HNF4G: variants seen among roughly 807,000 people sequenced by gnomAD.
HNF4G encodes hepatocyte nuclear factor 4 gamma.
HNF4G carries 21 observed loss-of-function variants against 50.9 expected under a neutral mutation model. The ratio of observed to expected loss-of-function variants is 0.41; its 90% CI spans 0.29 to 0.59. The LOEUF (loss-of-function observed/expected upper bound fraction) is 0.59, where lower values mean the gene tolerates loss of function less well. HNF4G is among the 20% of genes least tolerant of loss of function. The pLI is 0.26. For synonymous variants in HNF4G, 198 were observed against 185.6 expected, an observed-to-expected ratio of 1.07 and a Z score of -0.54; for missense variants, 527 against 559.4, an observed-to-expected ratio of 0.94 and a Z score of 0.58.
intron 2 of HNF4G, chr8:75,495,284 A>G (rs1812739507): frequency 6.6e-6 from 1 of 152,174 alleles, no homozygotes; most frequent in South Asian, 2.1e-4. Flanking sequence ...TGAAGTTTCC[A>G]TGTTTAATAT....
rs138403067 is a variant in HNF4G, at chr8:75,458,709, G to A, written c.-143-31380G>A. Among the ~76,000 whole-genome samples, 532 of 152,156 alleles carry A rather than the reference G, an allele frequency of 3.5e-3. 1 individual carries two copies. The highest frequency in any genetic ancestry group is 0.014 in the Middle Eastern group (4 of 294). On this transcript the variant is annotated intron_variant, in intron 1 of 10. Transcript: ENST00000354370. ...AAGAAGCAATAACCTCCACTTACAG[G>A]TTGGCATTCAGGGGCATAGTTCAGG... is the stretch of plus-strand genomic sequence containing the variant.
At chr8:75,520,630 G>GTT (rs1352301626) in intron 2 of HNF4G, among the ~76,000 whole-genome samples, 4 of 151,860 alleles carry the variant, frequency 2.6e-5, no homozygotes, top group African/African-American at 9.7e-5. Context: ...TAGAGACAGG[G>GTT]TTTTGCCACG....
At chr8:75,533,206 T>C (rs926138326) in intron 2 of HNF4G, among the ~76,000 whole-genome samples, 18 of 152,052 alleles carry the variant, frequency 1.2e-4, no homozygotes, top group African/African-American at 4.3e-4. Flanking sequence ...TACAGTATTC[T>C]AGGAACTGCA....
At chr8:75,497,413 C>T (rs1289581857) in intron 2 of HNF4G, among the ~76,000 whole-genome samples, 2 of 152,214 alleles carry the variant, frequency 1.3e-5, no homozygotes, top group South Asian at 4.1e-4. Context: ...TGGCTAGGCA[C>T]GGTGGCTCAC....
At chr8:75,432,528 T>C (rs909845883) in intron 1 of HNF4G, among the ~76,000 whole-genome samples, 2 of 152,176 alleles carry the variant, frequency 1.3e-5, no homozygotes, top group African/African-American at 4.8e-5. Context: ...CTCAAACTGC[T>C]GATCTCAGGT....
chr8:75,505,311 T>C (rs1437046130), intron 2 of HNF4G, among the ~76,000 whole-genome samples: 1 of 152,140 alleles, frequency 6.6e-6, no homozygotes, highest in Non-Finnish European at 1.5e-5. Context: ...GTCCTTAAGC[T>C]CCTTGCTAGC....
intron 2 of HNF4G, among the ~76,000 whole-genome samples, chr8:75,522,224 A>G (rs73347052): frequency 1.8e-4 from 27 of 152,318 alleles, no homozygotes; most frequent in African/African-American, 6.3e-4. Flanking sequence ...AACTTTTTTT[A>G]TATGCCTATT....
intron 1 of HNF4G, among the ~76,000 whole-genome samples, chr8:75,455,240 T>C (rs1401818902): frequency 2.0e-5 from 3 of 152,168 alleles, no homozygotes; most frequent in African/African-American, 7.2e-5. Context: ...AAAAACAAAA[T>C]GTAGTTCCTG....
At chr8:75,431,267 G>C (rs1811009571) in intron 1 of HNF4G, among the ~76,000 whole-genome samples, 1 of 152,038 alleles carries the variant, frequency 6.6e-6, no homozygotes, top group African/African-American at 2.4e-5. Context: ...CAGAATGAAG[G>C]AAGAGAAAAA....
intron 2 of HNF4G, among the ~76,000 whole-genome samples, chr8:75,522,916 G>A (rs1479631653): frequency 2.0e-5 from 3 of 151,984 alleles, no homozygotes; most frequent in African/African-American, 7.3e-5. Flanking sequence ...AAGAAACAAA[G>A]CCTTTGCAAT....
chr8:75,555,484 C>T (rs1807087622), intron 5 of HNF4G, among the ~76,000 whole-genome samples: 1 of 152,072 alleles, frequency 6.6e-6, no homozygotes, highest in Non-Finnish European at 1.5e-5. Flanking sequence ...GAAGTCTTTG[C>T]TTTGCTTTTG....
chr8:75,556,070 G>T lies in HNF4G; in HGVS notation c.733+1G>T. 1 of 1,458,328 alleles carries T rather than the reference G, an allele frequency of 6.9e-7. No homozygotes were observed. Among genetic ancestry groups the T allele is most frequent in the Non-Finnish European group, 9.1e-7 (1 of 1,104,458 alleles). 90.3% of individuals were successfully genotyped at this position (1,458,328 alleles called of 1,614,324 possible). A position where few individuals can be genotyped will look rare whatever the true frequency, so the allele number is the denominator to read the frequency against. On this transcript the variant is annotated splice_donor_variant, in intron 6 of 9. Coordinates refer to ENST00000396423, the MANE Select transcript of HNF4G (RefSeq NM_004133.5). LOFTEE classifies it high-confidence loss of function. ...ATGTATAAAGATATTTTGCTTTTGG[G>T]TAAGTTTTTTTTTTTTAATTTAAGA...
chr8:75,476,469 G>T (rs1812243730), intron 1 of HNF4G, among the ~76,000 whole-genome samples: 1 of 152,128 alleles, frequency 6.6e-6, no homozygotes, highest in Non-Finnish European at 1.5e-5. Flanking sequence ...TTGAAATTCT[G>T]CATTTGAGTG....
intron 2 of HNF4G, among the ~76,000 whole-genome samples, chr8:75,522,245 T>C (rs979147465): frequency 6.6e-6 from 1 of 152,212 alleles, no homozygotes; most frequent in Admixed American, 6.5e-5. Context: ...ACTGTCTGAC[T>C]GTGGAGATAG....
At chr8:75,514,350 C>CTTTTTTTTTTTTTTT (rs1805836666) in intron 2 of HNF4G, among the ~76,000 whole-genome samples, 1 of 66,300 alleles carries the variant, frequency 1.5e-5, no homozygotes. Context: ...TTTCTTTCTT[C>CTTTTTTTTTTTTTTT]TTTCTTTTTT....
intron 2 of HNF4G, among the ~76,000 whole-genome samples, chr8:75,499,864 C>T (rs569261048): frequency 7.9e-5 from 12 of 151,928 alleles, no homozygotes; most frequent in Non-Finnish European, 1.3e-4. Context: ...TGAATGCCTA[C>T]GTGACATAAC....
At chr8:75,427,851 C>G (rs78726044) in intron 1 of HNF4G, among the ~76,000 whole-genome samples, 8,879 of 151,886 alleles carry the variant, frequency 0.058, 322 homozygotes, top group Non-Finnish European at 0.078. Flanking sequence ...TTTATTAATG[C>G]AAGTGAACCC....
chr8:75,525,322 C>T (rs978122341), intron 2 of HNF4G, among the ~76,000 whole-genome samples: 9 of 152,168 alleles, frequency 5.9e-5, no homozygotes, highest in Non-Finnish European at 1.2e-4. Flanking sequence ...GCACTCGCCA[C>T]CATGCCCGGC....
rs753946717 is a variant in HNF4G, at chr8:75,558,482, A to ATTTTG, written c.734-16_734-12dup. 46 of 1,580,436 alleles carry ATTTTG rather than the reference A, an allele frequency of 2.9e-5. No homozygotes were observed. The Middle Eastern group carries it at 5.3e-4, about 18-fold the overall frequency. Reference sequence around the variant, plus strand: ...TGACAATTTGGGGAGACAGGTGGTTATTTTGTTTTGTTTTGTTTTGTTTTC... The same window carrying ATTTTG: ...TGACAATTTGGGGAGACAGGTGGTTATTTTGTTTTGTTTTGTTTTGTTTTGTTTTC... On this transcript the variant is annotated intron_variant, in intron 6 of 9. Coordinates refer to ENST00000396423, the MANE Select transcript of HNF4G (RefSeq NM_004133.5).
Sources: gnomAD v4.1 joint callset for allele counts (sites outside exome capture counted in the v4.1 genomes callset) on GRCh38, gnomAD v4.1.1 for gene constraint, MANE v1.5 for transcripts, NCBI Gene and HGNC (gene_info 2026-07-23, HGNC 2026-07-21) for gene names.